MMP26: variants seen among roughly 807,000 people sequenced by gnomAD.
MMP26 encodes the protein matrix metallopeptidase 26, also known as matrix metalloproteinase-26.
Under a neutral mutation model 31.0 loss-of-function variants are expected in MMP26, and 33 were observed. The ratio of observed to expected loss-of-function variants is 1.06; its 90% CI spans 0.81 to 1.42. The LOEUF is 1.42. MMP26 is among the 40% of genes most tolerant of loss of function. The pLI, the probability that MMP26 is intolerant of heterozygous loss-of-function variation, is 0.00. For missense variants in MMP26, 347 were observed against 316.1 expected (o/e 1.10, Z -0.74); for synonymous variants, 122 against 114.9 (o/e 1.06, Z -0.40).
chr11:4,867,549 T>C (rs963867607), intron 2 of MMP26, among the ~76,000 whole-genome samples: 16 of 151,754 alleles, frequency 1.1e-4, no homozygotes, highest in African/African-American at 3.6e-4. Context: ...CACCATCACG[T>C]CTGGCTAATT....
At chr11:4,754,448 A>T (rs1848482844) in intron 1 of MMP26, among the ~76,000 whole-genome samples, 1 of 151,906 alleles carries the variant, frequency 6.6e-6, no homozygotes, top group South Asian at 2.1e-4. Flanking sequence ...ACTGAAACTT[A>T]TTTTTTTGCA....
chr11:4,803,526 C>T (rs1447650100), intron 2 of MMP26: 1 of 1,613,946 alleles, frequency 6.2e-7, no homozygotes, highest in East Asian at 2.2e-5. Context: ...TGGGAGGTAT[C>T]AGTAGATAGA....
intron 1 of MMP26, among the ~76,000 whole-genome samples, chr11:4,717,190 T>C (rs1277707120): frequency 6.6e-6 from 1 of 152,212 alleles, no homozygotes; most frequent in African/African-American, 2.4e-5. Context: ...AATACAGTCT[T>C]ATTATTTGTT....
intron 2 of MMP26, among the ~76,000 whole-genome samples, chr11:4,963,427 G>T (rs916889310): frequency 6.6e-6 from 1 of 152,128 alleles, no homozygotes; most frequent in Non-Finnish European, 1.5e-5. Context: ...ATATAGCCAA[G>T]ACAATCCTAA....
At chr11:4,894,882 GTTCAT>G (rs1489533123) in intron 2 of MMP26, among the ~76,000 whole-genome samples, 1 of 152,092 alleles carries the variant, frequency 6.6e-6, no homozygotes, top group Non-Finnish European at 1.5e-5. Flanking sequence ...TTCCAAATCA[GTTCAT>G]TTCACTTGTT....
chr11:4,931,520 A>G (rs991527793), intron 2 of MMP26, among the ~76,000 whole-genome samples: 1 of 152,078 alleles, frequency 6.6e-6, no homozygotes, highest in African/African-American at 2.4e-5. Flanking sequence ...ATATAGAGAG[A>G]TTTATATTAT....
chr11:4,706,898 T>C (rs1231871825), intron 1 of MMP26, among the ~76,000 whole-genome samples: 3 of 152,244 alleles, frequency 2.0e-5, no homozygotes, highest in Non-Finnish European at 2.9e-5. Flanking sequence ...TGTTGTAGCA[T>C]GTGTCAGAAT....
chr11:4,827,662 A>G (rs761580256), intron 2 of MMP26, among the ~76,000 whole-genome samples: 5 of 151,998 alleles, frequency 3.3e-5, no homozygotes, highest in Non-Finnish European at 5.9e-5. Flanking sequence ...GTTGTTAACA[A>G]TAAATAAAAA....
At chr11:4,862,717 A>G (rs905997937) in intron 2 of MMP26, among the ~76,000 whole-genome samples, 3 of 152,158 alleles carry the variant, frequency 2.0e-5, no homozygotes, top group African/African-American at 7.2e-5. Flanking sequence ...CTGCTATAGT[A>G]TAAGGATTTT....
chr11:4,726,852 T>TA (rs1371299308), intron 1 of MMP26, among the ~76,000 whole-genome samples: 1 of 151,972 alleles, frequency 6.6e-6, no homozygotes, highest in Non-Finnish European at 1.5e-5. Context: ...ACAAAAAAGT[T>TA]AAAAAATTAG....
intron 2 of MMP26, chr11:4,787,135 A>G (rs1367040212): frequency 1.3e-5 from 2 of 153,630 alleles, no homozygotes; most frequent in African/African-American, 2.4e-5. Flanking sequence ...CTTTGTTGCC[A>G]TTTGCAGACC....
intron 2 of MMP26, among the ~76,000 whole-genome samples, chr11:4,837,949 A>G (rs1849740749): frequency 6.7e-6 from 1 of 149,614 alleles, no homozygotes; most frequent in Non-Finnish European, 1.5e-5. Flanking sequence ...TTAAATTCAT[A>G]AAAATTTTAA....
intron 2 of MMP26, among the ~76,000 whole-genome samples, chr11:4,798,711 G>C (rs1291253884): frequency 6.6e-6 from 1 of 152,158 alleles, no homozygotes; most frequent in Non-Finnish European, 1.5e-5. Flanking sequence ...AAATACTGTG[G>C]GAGCACAGAG....
intron 1 of MMP26, among the ~76,000 whole-genome samples, chr11:4,715,991 C>T (rs1279035157): frequency 6.6e-6 from 1 of 152,136 alleles, no homozygotes; most frequent in Non-Finnish European, 1.5e-5. Flanking sequence ...AGAAGAATCT[C>T]GAAGGAGGTT....
chr11:4,841,803 C>T lies in MMP26; in HGVS notation c.-145+74462C>T, dbSNP rs184759779. Among the ~76,000 whole-genome samples the T allele has an allele frequency of 8.2e-3, 1,243 of 152,186 alleles. 14 individuals carry two copies. The highest frequency in any genetic ancestry group is 0.026 in the African/African-American group (1,099 of 41,506). On this transcript the variant is annotated intron_variant, in intron 2 of 7. Coordinates refer to ENST00000380390, the MANE Select transcript of MMP26 (RefSeq NM_021801.5). ...CAAAAATTAGCCATGTGAGTTTGTGCGTGCCTGTAATCCCAGCTACTCCGG... is the reference window on the plus strand; with the variant it reads ...CAAAAATTAGCCATGTGAGTTTGTGTGTGCCTGTAATCCCAGCTACTCCGG...
chr11:4,906,011 TTAAA>T (rs1850882137), intron 2 of MMP26, among the ~76,000 whole-genome samples: 1 of 152,172 alleles, frequency 6.6e-6, no homozygotes, highest in South Asian at 2.1e-4. Context: ...CTCTGACTAA[TTAAA>T]TACAGAGATA....
intron 2 of MMP26, among the ~76,000 whole-genome samples, chr11:4,866,696 A>G (rs1442278002): frequency 1.3e-5 from 2 of 152,202 alleles, no homozygotes; most frequent in Non-Finnish European, 2.9e-5. Context: ...TTACAAGGCT[A>G]CAGTAACCAA....
chr11:4,805,377 A>G (rs1849253000), intron 2 of MMP26, among the ~76,000 whole-genome samples: 1 of 152,204 alleles, frequency 6.6e-6, no homozygotes. Flanking sequence ...ATTTTGAGAA[A>G]TTGTGGCCTA....
intron 2 of MMP26, among the ~76,000 whole-genome samples, chr11:4,936,316 G>A (rs1344555783): frequency 1.3e-5 from 2 of 151,354 alleles, no homozygotes; most frequent in Non-Finnish European, 2.9e-5. Flanking sequence ...GAGAGTGTAT[G>A]TGTCGAGGAA....
Sources: gnomAD v4.1 joint callset for allele counts (sites outside exome capture counted in the v4.1 genomes callset) on GRCh38, gnomAD v4.1.1 for gene constraint, MANE v1.5 for transcripts, NCBI Gene and HGNC (gene_info 2026-07-23, HGNC 2026-07-21) for gene names.